EPB41L3: variants seen among roughly 807,000 people sequenced by gnomAD.
EPB41L3 encodes erythrocyte membrane protein band 4.1 like 3.
In EPB41L3, 57 loss-of-function variants were observed where a neutral mutation model predicts 127.1. The ratio of observed to expected loss-of-function variants is 0.45; its 90% CI spans 0.36 to 0.56. The LOEUF is 0.56. Ranked by LOEUF, EPB41L3 falls within the 20% of genes least tolerant of loss-of-function variation. The probability of loss-of-function intolerance (pLI) is 0.00; values close to 1 mark genes in which losing one functional copy is unlikely to be tolerated. For missense variants in EPB41L3, 1,273 were observed against 1,372.2 expected, an observed-to-expected ratio of 0.93 and a Z score of 1.14; for synonymous variants, 572 against 549.5, an observed-to-expected ratio of 1.04 and a Z score of -0.57.
chr18:5,407,056 A>C, intron 15 of EPB41L3, 88 bp from the exon 16 acceptor site: 1 of 1,279,038 alleles, frequency 7.8e-7, no homozygotes, highest in Non-Finnish European at 1.1e-6. Flanking sequence ...AGTAATGTCA[A>C]TCTTATTAGT....
At chr18:5,433,074 C>T (rs1053770521) in intron 8 of EPB41L3, among the ~76,000 whole-genome samples, 2 of 152,070 alleles carry the variant, frequency 1.3e-5, no homozygotes, top group African/African-American at 4.8e-5. Flanking sequence ...TCAGGGAAAG[C>T]GTAGAAACAG....
At chr18:5,443,312 A>G (rs764968203) in intron 5 of EPB41L3, among the ~76,000 whole-genome samples, 4 of 152,244 alleles carry the variant, frequency 2.6e-5, no homozygotes, top group Non-Finnish European at 5.9e-5. Context: ...TTTAATCATT[A>G]GTAAAATTTA....
At chr18:5,617,644 A>G (rs1283913067) in intron 1 of EPB41L3, among the ~76,000 whole-genome samples, 1 of 152,220 alleles carries the variant, frequency 6.6e-6, no homozygotes, top group Non-Finnish European at 1.5e-5. Flanking sequence ...TTAAACGCAA[A>G]TAACAAGGAA....
At chr18:5,573,494 A>G (rs1359895451) in intron 3 of EPB41L3, among the ~76,000 whole-genome samples, 2 of 152,212 alleles carry the variant, frequency 1.3e-5, no homozygotes, top group Admixed American at 1.3e-4. Flanking sequence ...AGAAGCCACT[A>G]TGGCTAGAGA....
chr18:5,565,551 C>T (rs2094187294), intron 3 of EPB41L3, among the ~76,000 whole-genome samples: 1 of 151,132 alleles, frequency 6.6e-6, no homozygotes, highest in African/African-American at 2.4e-5. Flanking sequence ...GTGTGCTGCA[C>T]CCATTAACTC....
chr18:5,534,108 A>G (rs923516475), intron 1 of EPB41L3, among the ~76,000 whole-genome samples: 3 of 152,210 alleles, frequency 2.0e-5, no homozygotes, highest in Admixed American at 2.0e-4. Context: ...GCTGGCAGTG[A>G]GCCGAGATCT....
chr18:5,423,263 C>T, intron 11 of EPB41L3, 115 bp downstream of exon 11: 1 of 1,116,610 alleles, frequency 9.0e-7, no homozygotes, highest in Non-Finnish European at 1.2e-6. Flanking sequence ...TAAGCAACAA[C>T]TGCTTTTCAA....
At chr18:5,481,194 C>A (rs1307135468) in intron 2 of EPB41L3, among the ~76,000 whole-genome samples, 1 of 152,144 alleles carries the variant, frequency 6.6e-6, no homozygotes, top group Non-Finnish European at 1.5e-5. Flanking sequence ...GAACTTGTGA[C>A]ATTCATTTTA....
Position 5,436,533 on chromosome 18 carries a change from T to C in EPB41L3, c.605+1502A>G, listed in dbSNP as rs376131051. Among the ~76,000 whole-genome samples, 283 of 149,656 alleles carry C rather than the reference T, an allele frequency of 1.9e-3. 4 individuals are homozygous for C. The South Asian group carries it at 0.031, about 16-fold the overall frequency. ...ACGCCATTCTCCTGCCTCAGCCTCC[T>C]GAGTAGCTGGGACTTCAGGCGCCCG... On this transcript the variant is annotated intron_variant, in intron 6 of 22. Transcript: ENST00000341928.
At chr18:5,498,581 C>T (rs28444421) in intron 1 of EPB41L3, among the ~76,000 whole-genome samples, 24,290 of 133,846 alleles carry the variant, frequency 0.18, 2,300 homozygotes, top group African/African-American at 0.23. Context: ...GTAACAAGAG[C>T]GAGACTCCAT....
chr18:5,535,169 C>A (rs1047267610), intron 1 of EPB41L3, among the ~76,000 whole-genome samples: 2 of 152,114 alleles, frequency 1.3e-5, no homozygotes, highest in African/African-American at 4.8e-5. Context: ...GGAACAGTTT[C>A]TTCCTGAAAC....
At chr18:5,580,067 T>C (rs1008477046) in intron 3 of EPB41L3, among the ~76,000 whole-genome samples, 1 of 152,330 alleles carries the variant, frequency 6.6e-6, no homozygotes, top group South Asian at 2.1e-4. Context: ...CATACAATTA[T>C]GATGAAAGAT....
upstream of EPB41L3, among the ~76,000 whole-genome samples, chr18:5,629,412 A>AC (rs1184608685): frequency 5.3e-5 from 5 of 95,188 alleles, no homozygotes; most frequent in African/African-American, 1.8e-4. Flanking sequence ...TCATCCTTAC[A>AC]CACCACACAC....
intron 1 of EPB41L3, among the ~76,000 whole-genome samples, chr18:5,528,547 T>C (rs2093310818): frequency 6.6e-6 from 1 of 152,176 alleles, no homozygotes; most frequent in Non-Finnish European, 1.5e-5. Context: ...AAATATTTCA[T>C]AATATTTTTG....
chr18:5,605,014 C>T (rs962605910), intron 3 of EPB41L3, among the ~76,000 whole-genome samples: 1 of 152,096 alleles, frequency 6.6e-6, no homozygotes, highest in Non-Finnish European at 1.5e-5. Context: ...TTGCCTCTGC[C>T]GAAGACAACT....
chr18:5,471,185 G>A (rs2086080363), intron 3 of EPB41L3, among the ~76,000 whole-genome samples: 1 of 152,142 alleles, frequency 6.6e-6, no homozygotes, highest in Non-Finnish European at 1.5e-5. Flanking sequence ...TGTCCTTAAA[G>A]GCTGTACTCA....
At chr18:5,577,675 C>G in intron 3 of EPB41L3, 2 of 163,094 alleles carry the variant, frequency 1.2e-5, no homozygotes, top group Non-Finnish European at 2.6e-5. Context: ...TGCTGTAGAT[C>G]CCAGCAGCAG....
chr18:5,489,072 TGGGCGGCTCCGGCAC>T lies in EPB41L3; in HGVS notation c.97_111del (p.Val33_Pro37del), dbSNP rs759609631. ...TCCAGGGCCTGCTGCTGCTCCTCCT[TGGGCGGCTCCGGCAC>T]GGGCGCCCCCGCGCGCCCCTGCGCC... On this transcript the variant is annotated inframe_deletion, in exon 2 of 23. Coordinates refer to ENST00000341928, the MANE Select transcript of EPB41L3 (RefSeq NM_012307.5). 2.5e-6 allele frequency: 4 copies of T among 1,595,190 alleles called. No homozygotes were observed. The African/African-American group carries it at 5.4e-5, about 22-fold the overall frequency.
chr18:5,457,456 C>G (rs2083287081), intron 3 of EPB41L3, among the ~76,000 whole-genome samples: 1 of 151,754 alleles, frequency 6.6e-6, no homozygotes, highest in Admixed American at 6.6e-5. Flanking sequence ...TCTCGGATGG[C>G]ACAGTAGGCA....
Sources: gnomAD v4.1 joint callset for allele counts (sites outside exome capture counted in the v4.1 genomes callset) on GRCh38, gnomAD v4.1.1 for gene constraint, MANE v1.5 for transcripts, NCBI Gene and HGNC (gene_info 2026-07-23, HGNC 2026-07-21) for gene names.